The following TTC28 variants were observed in gnomAD, a reference collection of about 807,000 sequenced individuals.
TTC28 encodes tetratricopeptide repeat protein 28.
A neutral mutation model predicts 198.0 loss-of-function variants in TTC28; 61 were observed. That is an observed-to-expected ratio of 0.31 (90% CI 0.25 to 0.38). TTC28 has a LOEUF of 0.38. Among genes scored for constraint, TTC28 ranks in the 10% least tolerant of loss-of-function variants. The pLI, the probability that TTC28 is intolerant of heterozygous loss-of-function variation, is 1.00. For synonymous variants in TTC28, 1,171 were observed against 1,297.8 expected, an observed-to-expected ratio of 0.90 and a Z score of 2.10; for missense variants, 2,678 against 3,164.0, an observed-to-expected ratio of 0.85 and a Z score of 3.69.
intron 2 of TTC28, among the ~76,000 whole-genome samples, chr22:28,338,945 G>A (rs1366971925): frequency 6.6e-6 from 1 of 152,140 alleles, no homozygotes; most frequent in Non-Finnish European, 1.5e-5. Flanking sequence ...AGGAGGAGAG[G>A]CGCTCTGATT....
chr22:28,476,099 G>A (rs2048161880), intron 2 of TTC28, among the ~76,000 whole-genome samples: 1 of 152,044 alleles, frequency 6.6e-6, no homozygotes. Context: ...AGCAATCCAA[G>A]ACCAGGACAT....
chr22:28,420,725 G>A (rs1355883963), intron 2 of TTC28, among the ~76,000 whole-genome samples: 6 of 151,846 alleles, frequency 4.0e-5, no homozygotes, highest in African/African-American at 1.5e-4. Context: ...TCTGCCTCCC[G>A]AGTAGCAGGG....
At chr22:28,277,112 A>T (rs2044487567) in intron 5 of TTC28, among the ~76,000 whole-genome samples, 4 of 152,286 alleles carry the variant, frequency 2.6e-5, no homozygotes, top group African/African-American at 9.6e-5. Context: ...GCCACTCTCA[A>T]TCTCTATCTT....
At chr22:28,011,692 T>A (rs1357713121) in intron 14 of TTC28, among the ~76,000 whole-genome samples, 1 of 152,008 alleles carries the variant, frequency 6.6e-6, no homozygotes, top group Admixed American at 6.6e-5. Flanking sequence ...ATAAAAAACA[T>A]CCAGGTATGC....
intron 2 of TTC28, among the ~76,000 whole-genome samples, chr22:28,626,463 A>C (rs1286895053): frequency 2.0e-5 from 3 of 152,130 alleles, no homozygotes; most frequent in African/African-American, 7.2e-5. Context: ...AAAGCATTAT[A>C]ATAAAAAGCC....
chr22:28,252,818 T>C (rs1930618717), intron 5 of TTC28, among the ~76,000 whole-genome samples: 1 of 152,158 alleles, frequency 6.6e-6, no homozygotes, highest in South Asian at 2.1e-4. Context: ...CTGCTGGTTT[T>C]AGAAACATGT....
intron 16 of TTC28, chr22:27,998,111 C>T (rs1020432374): frequency 8.7e-5 from 18 of 206,072 alleles, no homozygotes; most frequent in Admixed American, 3.1e-4. Flanking sequence ...ATCGCACCAC[C>T]ATCATCCCCT....
intron 6 of TTC28, among the ~76,000 whole-genome samples, chr22:28,117,548 A>C (rs1942664861): frequency 6.6e-6 from 1 of 152,212 alleles, no homozygotes; most frequent in Non-Finnish European, 1.5e-5. Flanking sequence ...GGGAGACCAC[A>C]AAAACCTGTA....
chr22:28,600,224 A>G (rs2050616516), intron 2 of TTC28, among the ~76,000 whole-genome samples: 1 of 151,808 alleles, frequency 6.6e-6, no homozygotes, highest in Non-Finnish European at 1.5e-5. Context: ...GCGAGACCCT[A>G]TATCTACAAA....
intron 5 of TTC28, among the ~76,000 whole-genome samples, chr22:28,176,769 T>A (rs1440641441): frequency 2.0e-5 from 3 of 152,210 alleles, no homozygotes; most frequent in Admixed American, 6.5e-5. Flanking sequence ...TAATAACTAA[T>A]CTTTGACAGG....
At chr22:28,186,157 T>G (rs1383897469) in intron 5 of TTC28, among the ~76,000 whole-genome samples, 1 of 152,176 alleles carries the variant, frequency 6.6e-6, no homozygotes, top group Non-Finnish European at 1.5e-5. Context: ...AGAAAAAATC[T>G]GCAACAATTC....
chr22:28,576,762 G>A (rs1569035909), intron 2 of TTC28, among the ~76,000 whole-genome samples: 1 of 151,888 alleles, frequency 6.6e-6, no homozygotes, highest in Non-Finnish European at 1.5e-5. Context: ...GTTTTCCAAT[G>A]TATTGGCATA....
rs1035110433 is a variant in TTC28 at position 28,084,860 on chromosome 22, G to A, written c.3932+9220C>T. Among the ~76,000 whole-genome samples the A allele has an allele frequency of 4.6e-5, 7 of 152,166 alleles. 1 individual carries two copies. The highest frequency in any genetic ancestry group is 2.6e-4 in the Admixed American group (4 of 15,268). ...AACCATGGCATGAGAACTACGTGAT[G>A]AATGCACAAGCCTCAGTAGTCGATG... On this transcript the variant is annotated intron_variant, in intron 12 of 22. Coordinates refer to ENST00000397906, the MANE Select transcript of TTC28 (RefSeq NM_001145418.2).
intron 2 of TTC28, among the ~76,000 whole-genome samples, chr22:28,497,656 G>A (rs1379303754): frequency 1.3e-5 from 2 of 152,148 alleles, no homozygotes; most frequent in Non-Finnish European, 1.5e-5. Flanking sequence ...ACTACAGTGG[G>A]CGGCTAGGGG....
intron 13 of TTC28, among the ~76,000 whole-genome samples, chr22:28,022,835 AT>A (rs1164521379): frequency 1.3e-5 from 2 of 152,196 alleles, no homozygotes; most frequent in Non-Finnish European, 2.9e-5. Context: ...AAAAAACAGG[AT>A]TCTGAAACCA....
chr22:28,186,421 C>T (rs904087819), intron 5 of TTC28, among the ~76,000 whole-genome samples: 7 of 152,090 alleles, frequency 4.6e-5, no homozygotes, highest in Admixed American at 2.6e-4. Flanking sequence ...AAGCTGCATC[C>T]GAATGCCTGT....
At chr22:28,025,984 T>C (rs1938815676) in intron 13 of TTC28, among the ~76,000 whole-genome samples, 1 of 152,178 alleles carries the variant, frequency 6.6e-6, no homozygotes, top group Admixed American at 6.5e-5. Flanking sequence ...GGCTCTCCTC[T>C]CCAGTCACTG....
intron 2 of TTC28, among the ~76,000 whole-genome samples, chr22:28,592,185 C>T (rs1402697636): frequency 1.3e-5 from 2 of 152,054 alleles, no homozygotes; most frequent in Non-Finnish European, 2.9e-5. Flanking sequence ...AGGGGGCCTG[C>T]TGTCTAATGA....
chr22:28,580,967 C>T (rs979366196), intron 2 of TTC28, among the ~76,000 whole-genome samples: 1 of 151,962 alleles, frequency 6.6e-6, no homozygotes. Context: ...GCCTCTCTTC[C>T]TTAAGAAAAA....
Sources: gnomAD v4.1 joint callset for allele counts (sites outside exome capture counted in the v4.1 genomes callset) on GRCh38, gnomAD v4.1.1 for gene constraint, MANE v1.5 for transcripts, NCBI Gene and HGNC (gene_info 2026-07-23, HGNC 2026-07-21) for gene names.